The following KIF24 variants were observed in gnomAD, a reference collection of about 807,000 sequenced individuals.
The protein encoded by KIF24 is kinesin-like protein KIF24.
A neutral mutation model predicts 118.9 loss-of-function variants in KIF24; 81 were observed. That is an observed-to-expected ratio of 0.68 (90% CI 0.57 to 0.82). KIF24 has a LOEUF of 0.82. Ranked by LOEUF, KIF24 falls within the 40% of genes least tolerant of loss-of-function variation. The probability of loss-of-function intolerance (pLI) is 0.00; values close to 1 mark genes in which losing one functional copy is unlikely to be tolerated. For missense variants in KIF24, 1,560 were observed against 1,661.6 expected (o/e 0.94, Z 1.06); for synonymous variants, 599 against 610.0 (o/e 0.98, Z 0.27).
intron 6 of KIF24, among the ~76,000 whole-genome samples, chr9:34,279,831 G>C (rs1835781384): frequency 6.6e-6 from 1 of 152,216 alleles, no homozygotes; most frequent in Non-Finnish European, 1.5e-5. Flanking sequence ...GGATAACTGT[G>C]TCAGGTATCC....
chr9:34,276,402 C>CAAAAAAA (rs11419785), intron 6 of KIF24, among the ~76,000 whole-genome samples: 2 of 80,690 alleles, frequency 2.5e-5, no homozygotes, highest in Non-Finnish European at 5.2e-5. Flanking sequence ...AACTGCATCT[C>CAAAAAAA]AAAAAAAAAA....
chr9:34,318,395 C>T lies in KIF24; in HGVS notation c.-25-7024G>A. On this transcript the variant is annotated intron_variant, in intron 1 of 12. Transcript: ENST00000402558. The surrounding 1 kb of genome is among the most constrained non-coding windows in gnomAD (Gnocchi z 4.9). ...GTCCATCGTGGTGCACGCAAACCACCTCCCAGCCACGCGCTCCCTCCTGCT... is the reference window on the plus strand; with the variant it reads ...GTCCATCGTGGTGCACGCAAACCACTTCCCAGCCACGCGCTCCCTCCTGCT... 1.4e-6 allele frequency: 1 copy of T among 695,758 alleles called. No homozygotes were observed. The highest frequency in any genetic ancestry group is 2.6e-6 in the Non-Finnish European group (1 of 380,880). The allele number at this position is 695,758 out of a possible 1,614,324, so 43.1% of individuals were successfully genotyped here. A position where few individuals can be genotyped will look rare whatever the true frequency, so the allele number is the denominator to read the frequency against.
chr9:34,320,518 C>A (rs1837482799), intron 1 of KIF24, among the ~76,000 whole-genome samples: 1 of 151,324 alleles, frequency 6.6e-6, no homozygotes, highest in African/African-American at 2.4e-5. Flanking sequence ...ATTAGCTGGG[C>A]ATGGTGGCGG....
rs909152558 is a variant in KIF24 at position 34,318,735 on chromosome 9, T to A, written c.-25-7364A>T. Reference sequence around the variant, plus strand: ...AGCGACGAGGAGGTGCACGCCGGCGTGGGCGAGCCGCTGCGTTCACTCAGC... The same window carrying A: ...AGCGACGAGGAGGTGCACGCCGGCGAGGGCGAGCCGCTGCGTTCACTCAGC... On this transcript the variant is annotated intron_variant, in intron 1 of 12. Coordinates refer to ENST00000402558, the MANE Select transcript of KIF24 (RefSeq NM_194313.4). This position sits in a 1 kb window ranked among gnomAD's most constrained non-coding sequence, Gnocchi z 4.9. 8.0e-6 allele frequency: 12 copies of A among 1,507,590 alleles called. No homozygotes were observed. In the African/African-American group the frequency reaches 1.6e-4, roughly 21 times the overall value. The allele number at this position is 1,507,590 out of a possible 1,614,324, so 93.4% of individuals were successfully genotyped here. A position where few individuals can be genotyped will look rare whatever the true frequency, so the allele number is the denominator to read the frequency against.
chr9:34,301,011 TATTG>T (rs1197800807), intron 3 of KIF24, among the ~76,000 whole-genome samples: 3 of 152,182 alleles, frequency 2.0e-5, no homozygotes, highest in Non-Finnish European at 4.4e-5. Flanking sequence ...AGAAAGCATT[TATTG>T]ATTAAGGGAA....
At chr9:34,330,151 C>T (rs1587984776), upstream of KIF24, among the ~76,000 whole-genome samples, 1 of 152,332 alleles carries the variant, frequency 6.6e-6, no homozygotes, top group East Asian at 1.9e-4. Context: ...CGCCTGTAAT[C>T]CCAGCATTTT....
At position 34,255,180 on chromosome 9, in the gene KIF24, G is replaced by C. The variant is rs770477281; in HGVS notation, c.3873-15C>G. On this transcript the variant is annotated splice_polypyrimidine_tract_variant and intron_variant, in intron 11 of 12. Transcript: ENST00000402558. ...TGACCACCTGCCTGGGAACACCAGA[G>C]AGAACACTGTGATCTTCCTGGCCTC... is the stretch of plus-strand genomic sequence containing the variant. 2.0e-6 allele frequency: 3 copies of C among 1,492,920 alleles called. No homozygotes were observed. The highest frequency in any genetic ancestry group is 2.8e-6 in the Non-Finnish European group (3 of 1,088,624). The allele number at this position is 1,492,920 out of a possible 1,614,324, so 92.5% of individuals were successfully genotyped here. A position where few individuals can be genotyped will look rare whatever the true frequency, so the allele number is the denominator to read the frequency against.
rs1380862565 is a variant in KIF24, at chr9:34,257,524, C to T, written c.2083G>A (p.Val695Met). Residue 695 changes from valine to methionine, a missense_variant, in exon 11 of 13, where the codon GTG (valine) becomes ATG (methionine). Val to Met is a conservative substitution (Grantham distance 21). Coordinates refer to ENST00000402558, the MANE Select transcript of KIF24 (RefSeq NM_194313.4). ...CACTTGGTGGACAGCTTACCACGCA[C>T]TAGGCCTTCTCCTGGGCCTGAGGCC... Reference protein sequence around the residue: ...SRASGPGEGLVRGKLSTKCKK... With the variant: ...SRASGPGEGLMRGKLSTKCKK... 1 of 1,614,080 alleles carries T rather than the reference C, an allele frequency of 6.2e-7. No individual in the cohort carries two copies. The highest frequency in any genetic ancestry group is 8.5e-7 in the Non-Finnish European group (1 of 1,179,898).
rs770298056 is a variant in KIF24 at position 34,297,020 on chromosome 9, T to C, written c.908A>G (p.Asn303Ser). Reference protein sequence around the residue: ...TTHPLIQHIFNGGNATCFAYG... With the variant: ...TTHPLIQHIFSGGNATCFAYG... ...AAGCAAATAATCATTATCGTACCCA[T>C]TGAAAATATGCTGAATAAGTGGGTG... The change falls in exon 4 of 13, where the codon AAT (asparagine) becomes AGT (serine). Residue 303 changes from asparagine to serine, a missense_variant. By Grantham distance (46) the Asn-to-Ser change is conservative. Around this residue, in one of 3 missense-constraint regions of KIF24, gnomAD observed 964 missense variants for 988.0 expected, o/e 0.98. Transcript: ENST00000402558. 5 of 1,530,472 alleles carry C rather than the reference T, an allele frequency of 3.3e-6. No individual in the cohort carries two copies. The highest frequency in any genetic ancestry group is 1.8e-5 in the Admixed American group (1 of 56,814). 94.8% of individuals were successfully genotyped at this position (1,530,472 alleles called of 1,614,324 possible). A position where few individuals can be genotyped will look rare whatever the true frequency, so the allele number is the denominator to read the frequency against.
chr9:34,262,683 T>A (rs1383754077), intron 9 of KIF24, among the ~76,000 whole-genome samples: 57 of 18,288 alleles, frequency 3.1e-3, no homozygotes, highest in African/African-American at 0.012. Flanking sequence ...AAAATATATA[T>A]ATATATATAT....
At chr9:34,329,895 TAGGGCCCAGAGGCCC>T (rs913564597), upstream of KIF24, among the ~76,000 whole-genome samples, 3 of 152,230 alleles carry the variant, frequency 2.0e-5, no homozygotes, top group African/African-American at 7.2e-5. Context: ...GGTCCAGGTT[TAGGGCCCAGAGGCCC>T]AGGCGCCGAA....
intron 3 of KIF24, among the ~76,000 whole-genome samples, chr9:34,303,708 G>C (rs556573316): frequency 2.6e-5 from 4 of 152,124 alleles, no homozygotes; most frequent in Admixed American, 2.6e-4. Flanking sequence ...AATTAGCCAG[G>C]CGTGGTGGCA....
rs1834678688 is a variant in KIF24 at position 34,253,270 on chromosome 9, G to C, written c.*1110C>G. 6.6e-6 allele frequency: 1 copy of C among 152,214 alleles called. No homozygotes were observed. Among genetic ancestry groups the C allele is most frequent in the Admixed American group, 6.5e-5 (1 of 15,280 alleles). The allele number at this position is 152,214 out of a possible 1,614,324, so 9.4% of individuals were successfully genotyped here. A position where few individuals can be genotyped will look rare whatever the true frequency, so the allele number is the denominator to read the frequency against. ...GGAAATAAAGGCTCACATAGTAATGGGCGTTCGGGCCAAGGCCGTGACTCA... is the reference window on the plus strand; with the variant it reads ...GGAAATAAAGGCTCACATAGTAATGCGCGTTCGGGCCAAGGCCGTGACTCA... On this transcript the variant is annotated 3_prime_UTR_variant, in exon 13 of 13. Coordinates refer to ENST00000402558, the MANE Select transcript of KIF24 (RefSeq NM_194313.4).
At chr9:34,309,087 T>TCAAA (rs764202512) in intron 2 of KIF24, among the ~76,000 whole-genome samples, 1 of 91,710 alleles carries the variant, frequency 1.1e-5, no homozygotes, top group Non-Finnish European at 2.6e-5. Context: ...TCTCTACAAA[T>TCAAA]CAAACAAACA....
In KIF24 at chr9:34,256,832, A is replaced by G. The variant is rs1834866149; in HGVS notation, c.2775T>C (p.Thr925=). 1 of 1,613,868 alleles carries G rather than the reference A, an allele frequency of 6.2e-7. No homozygotes were observed. The highest frequency in any genetic ancestry group is 2.2e-5 in the East Asian group (1 of 44,892). ...TGTCTCTGGGAGAAGGCCCTGAGGA[A>G]GTAGAGTTCTCTCTGCTCCAGTCCA... ...GPVDWSRENS[T]SSGPSPRDSL... is the part of the protein sequence containing the mutation. The change falls in exon 11 of 13, where the codon ACT becomes ACC. Residue 925 remains threonine (T), a synonymous_variant. Transcript: ENST00000402558.
rs371444358 is a variant in KIF24, at chr9:34,261,528, C to T, written c.1515+1573G>A. Among the ~76,000 whole-genome samples the T allele has an allele frequency of 5.3e-5, 8 of 152,154 alleles. No individual in the cohort carries two copies. In the East Asian group the frequency reaches 1.2e-3, roughly 22 times the overall value. ...TTTTGTGTAGTGTTTTTTTCCATGT[C>T]GCACATTTTAAAAATGATAAAAACA... On this transcript the variant is annotated intron_variant, in intron 9 of 12. Transcript: ENST00000402558.
chr9:34,277,071 T>C (rs1243242702), intron 6 of KIF24, among the ~76,000 whole-genome samples: 2 of 152,212 alleles, frequency 1.3e-5, no homozygotes, highest in Non-Finnish European at 2.9e-5. Context: ...CTCTTTTTTT[T>C]CTTCATTAGA....
intron 1 of KIF24, among the ~76,000 whole-genome samples, chr9:34,316,915 T>C (rs757402224): frequency 6.7e-6 from 1 of 149,760 alleles, no homozygotes; most frequent in East Asian, 2.0e-4. Flanking sequence ...CTATTAAAAA[T>C]ACAAAAATTG....
At chr9:34,271,714 C>A (rs1361561439) in intron 7 of KIF24, 95 bp downstream of exon 7, 3 of 1,356,590 alleles carry the variant, frequency 2.2e-6, no homozygotes, top group Non-Finnish European at 3.0e-6. Context: ...TGAAGAACTC[C>A]ATGGTAGCAG....
Sources: gnomAD v4.1 joint callset for allele counts (sites outside exome capture counted in the v4.1 genomes callset) on GRCh38, gnomAD v4.1.1 for gene constraint, gnomAD v4.1.1 regional missense constraint, Gnocchi (gnomAD v3.1) non-coding constraint, MANE v1.5 for transcripts, NCBI Gene and HGNC (gene_info 2026-07-23, HGNC 2026-07-21) for gene names.